The following CCP110 variants were observed in gnomAD, a reference collection of about 807,000 sequenced individuals.
CCP110 encodes centriolar coiled-coil protein of 110 kDa.
Under a neutral mutation model 105.5 loss-of-function variants are expected in CCP110, and 43 were observed. That is an observed-to-expected ratio of 0.41 (90% CI 0.32 to 0.53). CCP110 has a LOEUF of 0.53. Among genes scored for constraint, CCP110 ranks in the 20% least tolerant of loss-of-function variants. CCP110 has a pLI of 0.32. For synonymous variants in CCP110, 353 were observed against 392.1 expected, an observed-to-expected ratio of 0.90 and a Z score of 1.18; for missense variants, 1,016 against 1,189.1, an observed-to-expected ratio of 0.85 and a Z score of 2.14.
intron 12 of CCP110, 46 bp downstream of exon 12, chr16:19,546,520 T>C (rs1197792482): frequency 3.2e-6 from 4 of 1,236,076 alleles, no homozygotes; most frequent in East Asian, 2.3e-5. Context: ...TTGTTTTTTA[T>C]AGAAAAAAAA....
chr16:19,542,148 C>G, intron 6 of CCP110, 84 bp downstream of exon 6: 1 of 933,830 alleles, frequency 1.1e-6, no homozygotes, highest in East Asian at 2.6e-5. Context: ...ATTATATCTC[C>G]TGTTTTCAAA....
At chr16:19,550,174 C>T (rs1970590237) in intron 14 of CCP110, among the ~76,000 whole-genome samples, 1 of 146,430 alleles carries the variant, frequency 6.8e-6, no homozygotes, top group African/African-American at 2.5e-5. Flanking sequence ...TTTTTTGAGA[C>T]AGAGTCTTGT....
At chr16:19,535,331 TTACA>T (rs1970013882) in intron 3 of CCP110, among the ~76,000 whole-genome samples, 1 of 148,514 alleles carries the variant, frequency 6.7e-6, no homozygotes. Flanking sequence ...ATATCTATTT[TTACA>T]TTCATTCATT....
intron 2 of CCP110, among the ~76,000 whole-genome samples, chr16:19,531,509 A>G (rs72767525): frequency 2.0e-4 from 31 of 152,354 alleles, no homozygotes; most frequent in Non-Finnish European, 3.1e-4. Flanking sequence ...CAGAAGGTAG[A>G]GTGAGGTGAA....
In CCP110 at chr16:19,546,486, C is replaced by T; in HGVS notation, c.2840+12C>T. The T allele has an allele frequency of 1.3e-6, 2 of 1,522,090 alleles. No homozygotes were observed. Among genetic ancestry groups the T allele is most frequent in the African/African-American group, 1.4e-5 (1 of 72,634 alleles). 94.3% of individuals were successfully genotyped at this position (1,522,090 alleles called of 1,614,324 possible). ...CCTTCTGAAACAAGGTGAGAAAAAT[C>T]ACTTAGTCTTAATGAGAGGCTTTTT... On this transcript the variant is annotated intron_variant, in intron 12 of 14. Coordinates refer to ENST00000381396, the Ensembl canonical transcript of CCP110.
At chr16:19,531,145 G>C (rs1969853111) in intron 2 of CCP110, among the ~76,000 whole-genome samples, 1 of 152,164 alleles carries the variant, frequency 6.6e-6, no homozygotes, top group South Asian at 2.1e-4. Flanking sequence ...TTAGGAAAAA[G>C]TTTTAAAACA....
rs112923785 is a variant in CCP110, at chr16:19,546,108, C to T, written c.2777+218C>T. 4,684 of 536,148 alleles carry T rather than the reference C, an allele frequency of 8.7e-3. 200 individuals are homozygous for T. The highest frequency in any genetic ancestry group is 0.08 in the African/African-American group (4,166 of 52,192). 33.2% of individuals were successfully genotyped at this position (536,148 alleles called of 1,614,324 possible). A position where few individuals can be genotyped will look rare whatever the true frequency, so the allele number is the denominator to read the frequency against. ...TTACTAAATTTGACAACATTCAACT[C>T]ATATAACTGATAGCTGGTTAATCTT... On this transcript the variant is annotated intron_variant, in intron 11 of 14. Coordinates refer to ENST00000381396, the Ensembl canonical transcript of CCP110.
exon 8 of CCP110, chr16:19,542,930 A>T: frequency 6.2e-7 from 1 of 1,613,570 alleles, no homozygotes; most frequent in Non-Finnish European, 8.5e-7. Flanking sequence ...GCAGTGGCAA[A>T]AGGATTTCTT....
intron 2 of CCP110, among the ~76,000 whole-genome samples, chr16:19,529,509 T>A (rs893985608): frequency 6.6e-6 from 1 of 152,232 alleles, no homozygotes; most frequent in South Asian, 2.1e-4. Flanking sequence ...GATTAAATAA[T>A]TTTTAACATT....
chr16:19,530,384 C>G (rs1427511218), intron 2 of CCP110, among the ~76,000 whole-genome samples: 1 of 151,668 alleles, frequency 6.6e-6, no homozygotes, highest in Non-Finnish European at 1.5e-5. Context: ...TTTTGGAATT[C>G]TTTGAAGATA....
exon 4 of CCP110, chr16:19,536,518 A>G: frequency 6.2e-7 from 1 of 1,614,144 alleles, no homozygotes; most frequent in Non-Finnish European, 8.5e-7. Context: ...TGACAGGCAA[A>G]CACTGTGTCT....
At chr16:19,551,102 G>C (rs1303576429) in intron 14 of CCP110, 94 bp from the exon 14 acceptor site, 5 of 779,194 alleles carry the variant, frequency 6.4e-6, no homozygotes, top group East Asian at 2.4e-5. Context: ...ATATTGCCTA[G>C]CTCAGTGTTT....
At chr16:19,547,931 A>T (rs950151495) in intron 12 of CCP110, 24 bp from the exon 13 acceptor site, 3 of 1,556,760 alleles carry the variant, frequency 1.9e-6, no homozygotes, top group Non-Finnish European at 2.7e-6. Context: ...TATTAAATTA[A>T]TTTTTCATTT....
rs533263560 is a variant in CCP110 at position 19,551,496 on chromosome 16, T to C, written c.*248T>C. 1,110 of 485,062 alleles carry C rather than the reference T, an allele frequency of 2.3e-3. 7 individuals are homozygous for C. The highest frequency in any genetic ancestry group is 0.01 in the South Asian group (339 of 33,358). 30.0% of individuals were successfully genotyped at this position (485,062 alleles called of 1,614,324 possible). A position where few individuals can be genotyped will look rare whatever the true frequency, so the allele number is the denominator to read the frequency against. On this transcript the variant is annotated 3_prime_UTR_variant, in exon 15 of 15. Coordinates refer to ENST00000381396, the Ensembl canonical transcript of CCP110. ...ATTGCATCATCTCTGTGCTTACCTA[T>C]ACAAACATAAGTTTATTTTATATGC... is the stretch of plus-strand genomic sequence containing the variant.
At position 19,548,006 on chromosome 16, in the gene CCP110, T is replaced by C; in HGVS notation, c.2892T>C (p.Ser964=). The change falls in exon 13 of 15, where the codon AGT becomes AGC. Residue 964 remains serine (S), a synonymous_variant. Transcript: ENST00000381396. This position sits in a 1 kb window ranked among gnomAD's most constrained non-coding sequence, Gnocchi z 4.1. Reference sequence around the variant, plus strand: ...ATGCACCTGTTCATAGGCTACTTAGTAGACAAGGGTAAGAATGCCACACAC... The same window carrying C: ...ATGCACCTGTTCATAGGCTACTTAGCAGACAAGGGTAAGAATGCCACACAC... 1.2e-6 allele frequency: 2 copies of C among 1,608,688 alleles called. No individual in the cohort carries two copies. The highest frequency in any genetic ancestry group is 1.7e-6 in the Non-Finnish European group (2 of 1,175,196).
intron 5 of CCP110, 30 bp downstream of exon 5, chr16:19,540,817 T>C (rs1342621248): frequency 6.3e-7 from 1 of 1,598,806 alleles, no homozygotes; most frequent in African/African-American, 1.4e-5. Flanking sequence ...ATACAACTGG[T>C]AAGTGAAATT....
chr16:19,537,610 G>C, intron 4 of CCP110, 23 bp downstream of exon 4: 1 of 1,321,248 alleles, frequency 7.6e-7, no homozygotes, highest in Non-Finnish European at 1.1e-6. Flanking sequence ...TGAAGCGTTT[G>C]ATACCTTCTA....
At position 19,544,951 on chromosome 16, in the gene CCP110, C is replaced by T. The variant is rs1040553892; in HGVS notation, c.2586+53C>T. 7.4e-6 allele frequency: 8 copies of T among 1,075,342 alleles called. No individual in the cohort carries two copies. In the African/African-American group the frequency reaches 1.3e-4, roughly 17 times the overall value. 66.6% of individuals were successfully genotyped at this position (1,075,342 alleles called of 1,614,324 possible). On this transcript the variant is annotated intron_variant, in intron 9 of 14. Coordinates refer to ENST00000381396, the Ensembl canonical transcript of CCP110. Reference sequence around the variant, plus strand: ...AAGACATGGACATATTATATTTCTCCTTTTTTATTTAATCACTGAAAATAG... The same window carrying T: ...AAGACATGGACATATTATATTTCTCTTTTTTTATTTAATCACTGAAAATAG...
chr16:19,550,113 G>GAA (rs1269382570), intron 14 of CCP110, among the ~76,000 whole-genome samples: 21 of 151,976 alleles, frequency 1.4e-4, no homozygotes, highest in Non-Finnish European at 2.9e-4. Flanking sequence ...ACTTATACAT[G>GAA]AGTGCATATT....
Sources: gnomAD v4.1 joint callset for allele counts (sites outside exome capture counted in the v4.1 genomes callset) on GRCh38, gnomAD v4.1.1 for gene constraint, Gnocchi (gnomAD v3.1) non-coding constraint, MANE v1.5 for transcripts, NCBI Gene and HGNC (gene_info 2026-07-23, HGNC 2026-07-21) for gene names.